ESRRG: variants seen among roughly 807,000 people sequenced by gnomAD.
ESRRG encodes estrogen-related receptor gamma.
A neutral mutation model predicts 44.0 loss-of-function variants in ESRRG; 13 were observed. The observed-to-expected ratio is 0.30, with a 90% CI of 0.19 to 0.47. The LOEUF is 0.47. Among genes scored for constraint, ESRRG ranks in the 20% least tolerant of loss-of-function variants. The pLI, the probability that ESRRG is intolerant of heterozygous loss-of-function variation, is 1.00. For synonymous variants in ESRRG, 215 were observed against 214.6 expected, an observed-to-expected ratio of 1.00 and a Z score of -0.02; for missense variants, 395 against 580.6, an observed-to-expected ratio of 0.68 and a Z score of 3.29.
chr1:216,928,338 C>G (rs1427262450), intron 2 of ESRRG, among the ~76,000 whole-genome samples: 1 of 152,114 alleles, frequency 6.6e-6, no homozygotes, highest in African/African-American at 2.4e-5. Flanking sequence ...GTTTTTTCTG[C>G]CCCTTCTAGC....
chr1:216,776,302 A>G (rs2093611610), intron 2 of ESRRG, among the ~76,000 whole-genome samples: 1 of 151,590 alleles, frequency 6.6e-6, no homozygotes, highest in South Asian at 2.1e-4. Flanking sequence ...ACCACTCCCC[A>G]CTCTACTCCC....
At chr1:216,764,044 T>A (rs73093980) in intron 2 of ESRRG, among the ~76,000 whole-genome samples, 1 of 152,304 alleles carries the variant, frequency 6.6e-6, no homozygotes, top group African/African-American at 2.4e-5. Context: ...ATGATACTTC[T>A]GTGGCTATCG....
chr1:216,744,097 G>A (rs1026112273), intron 2 of ESRRG, among the ~76,000 whole-genome samples: 3 of 151,988 alleles, frequency 2.0e-5, no homozygotes, highest in African/African-American at 4.8e-5. Flanking sequence ...GGTTTTAAAG[G>A]GTTAAGTGCT....
At chr1:216,871,595 T>C (rs936851773) in intron 2 of ESRRG, among the ~76,000 whole-genome samples, 5 of 152,072 alleles carry the variant, frequency 3.3e-5, no homozygotes, top group Non-Finnish European at 5.9e-5. Flanking sequence ...ACTATAATTG[T>C]AGATTTGCCT....
chr1:216,936,168 T>C (rs1180586859), intron 2 of ESRRG, among the ~76,000 whole-genome samples: 1 of 151,846 alleles, frequency 6.6e-6, no homozygotes, highest in African/African-American at 2.4e-5. Flanking sequence ...AATGTGAAGG[T>C]TGGGGGTGTT....
chr1:217,099,692 G>A lies in ESRRG; in HGVS notation c.-230+37975C>T, dbSNP rs545080032. Among the ~76,000 whole-genome samples the A allele has an allele frequency of 1.1e-4, 16 of 152,326 alleles. No individual in the cohort carries two copies. In the South Asian group the frequency reaches 3.3e-3, roughly 32 times the overall value. ...ATGATTCTGAGAAACATTCTCTAGAGTTCTAACGGCAGCCAGACTGTAACA... is the reference window on the plus strand; with the variant it reads ...ATGATTCTGAGAAACATTCTCTAGAATTCTAACGGCAGCCAGACTGTAACA... On this transcript the variant is annotated intron_variant, in intron 1 of 8. Transcript: ENST00000366940.
intron 1 of ESRRG, among the ~76,000 whole-genome samples, chr1:217,078,719 A>G (rs1412757236): frequency 6.6e-6 from 1 of 152,164 alleles, no homozygotes; most frequent in African/African-American, 2.4e-5. Flanking sequence ...ATGAATCAGG[A>G]TTTTTTAAAA....
intron 1 of ESRRG, among the ~76,000 whole-genome samples, chr1:216,717,347 T>C (rs2085122025): frequency 6.6e-6 from 1 of 151,884 alleles, no homozygotes; most frequent in East Asian, 1.9e-4. Context: ...TGAATGGAAA[T>C]TATTTTATTA....
chr1:216,655,798 C>T (rs2070348439), intron 2 of ESRRG, among the ~76,000 whole-genome samples: 1 of 152,064 alleles, frequency 6.6e-6, no homozygotes, highest in African/African-American at 2.4e-5. Flanking sequence ...ATTTCCAGGC[C>T]CTCCCATTGA....
At chr1:216,671,129 A>G (rs1423154852) in intron 2 of ESRRG, among the ~76,000 whole-genome samples, 2 of 152,192 alleles carry the variant, frequency 1.3e-5, no homozygotes, top group African/African-American at 2.4e-5. Flanking sequence ...CAGGGAAGAT[A>G]TGCTACTACT....
At chr1:216,992,063 C>T (rs575420864) in intron 1 of ESRRG, among the ~76,000 whole-genome samples, 1 of 152,268 alleles carries the variant, frequency 6.6e-6, no homozygotes, top group South Asian at 2.1e-4. Flanking sequence ...TTTGGATTCC[C>T]ATGCAGTCTG....
intron 1 of ESRRG, among the ~76,000 whole-genome samples, chr1:217,035,319 C>CAAAA (rs397709457): frequency 0.14 from 10,315 of 74,774 alleles, 1,162 homozygotes; most frequent in Non-Finnish European, 0.19. Flanking sequence ...GACTCTGTCT[C>CAAAA]AAAAAAAAAA....
intron 2 of ESRRG, among the ~76,000 whole-genome samples, chr1:216,900,525 G>A (rs549058468): frequency 1.3e-5 from 2 of 150,848 alleles, no homozygotes; most frequent in Admixed American, 6.7e-5. Flanking sequence ...GCAAGAGTGT[G>A]TGTATTGTTT....
chr1:216,886,760 A>G lies in ESRRG; in HGVS notation c.-14+52822T>C, dbSNP rs192971380. On this transcript the variant is annotated intron_variant, in intron 2 of 7. Coordinates refer to the ESRRG transcript ENST00000359162. ...ATTGATTGAGACAGGTTCTCACTCT[A>G]TCACTGGGGCTTGAGTGGAGTGGCA... Among the ~76,000 whole-genome samples, 4 of 152,156 alleles carry G rather than the reference A, an allele frequency of 2.6e-5. No homozygotes were observed. In the East Asian group the frequency reaches 5.8e-4, roughly 22 times the overall value.
intron 1 of ESRRG, among the ~76,000 whole-genome samples, chr1:217,022,778 CTG>C (rs942799829): frequency 3.2e-4 from 49 of 152,168 alleles, no homozygotes; most frequent in Admixed American, 1.7e-3. Context: ...GGAGCAACAC[CTG>C]TCCATTGTAG....
At chr1:216,607,599 A>G (rs2060101750) in intron 3 of ESRRG, among the ~76,000 whole-genome samples, 1 of 152,204 alleles carries the variant, frequency 6.6e-6, no homozygotes, top group South Asian at 2.1e-4. Context: ...CTGATAGACC[A>G]GAGCACCCAC....
intron 3 of ESRRG, among the ~76,000 whole-genome samples, chr1:216,604,801 T>A (rs186080932): frequency 1.8e-4 from 27 of 152,360 alleles, no homozygotes; most frequent in African/African-American, 6.5e-4. Context: ...TATTTGCCTG[T>A]TGTTCCTTGA....
At chr1:217,110,423 A>T (rs1367943179) in intron 1 of ESRRG, among the ~76,000 whole-genome samples, 1 of 151,968 alleles carries the variant, frequency 6.6e-6, no homozygotes, top group African/African-American at 2.4e-5. Context: ...CTCTTTCTTG[A>T]TGTGTAAGGC....
At chr1:216,965,250 C>A (rs1263544505) in intron 1 of ESRRG, among the ~76,000 whole-genome samples, 1 of 151,960 alleles carries the variant, frequency 6.6e-6, no homozygotes, top group African/African-American at 2.4e-5. Flanking sequence ...ACCATCCCAA[C>A]CTGAATGGCA....
Sources: gnomAD v4.1 joint callset for allele counts (sites outside exome capture counted in the v4.1 genomes callset) on GRCh38, gnomAD v4.1.1 for gene constraint, MANE v1.5 for transcripts, NCBI Gene and HGNC (gene_info 2026-07-23, HGNC 2026-07-21) for gene names.